The following SLC6A16 variants were observed in gnomAD, a reference collection of about 807,000 sequenced individuals.
The protein encoded by SLC6A16 is solute carrier family 6 member 16, also known as orphan sodium- and chloride-dependent neurotransmitter transporter NTT5.
A neutral mutation model predicts 65.4 loss-of-function variants in SLC6A16; 54 were observed. The ratio of observed to expected loss-of-function variants is 0.83; its 90% CI spans 0.66 to 1.04. The LOEUF (loss-of-function observed/expected upper bound fraction) is 1.04, where lower values mean the gene tolerates loss of function less well. Among genes scored for constraint, SLC6A16 ranks in the 50% least tolerant of loss-of-function variants. SLC6A16 has a pLI of 0.00. For missense variants in SLC6A16, 816 were observed against 914.0 expected, an observed-to-expected ratio of 0.89 and a Z score of 1.38; for synonymous variants, 330 against 346.5, an observed-to-expected ratio of 0.95 and a Z score of 0.53.
chr19:49,335,795 G>C, the SLC6A16 span: 2 of 1,607,496 alleles, frequency 1.2e-6, no homozygotes, highest in Non-Finnish European at 1.7e-6. The surrounding 1 kb of genome is among the most constrained non-coding windows in gnomAD (Gnocchi z 4.6). Flanking sequence ...GGGTGAGGGG[G>C]GCTGGGGCAG....
the SLC6A16 span, chr19:49,337,849 CT>C: frequency 6.2e-7 from 1 of 1,602,626 alleles, no homozygotes; most frequent in Non-Finnish European, 8.5e-7. Context: ...CAGGGCCCGC[CT>C]GAGGCTGGCA....
upstream of SLC6A16, among the ~76,000 whole-genome samples, chr19:49,329,990 G>A (rs745305944): frequency 3.3e-5 from 5 of 151,956 alleles, no homozygotes; most frequent in South Asian, 2.1e-4. Flanking sequence ...GTGGTGGCAC[G>A]CATCTGTTGT....
chr19:49,308,673 G>A (rs771347174), intron 7 of SLC6A16: 1 of 627,620 alleles, frequency 1.6e-6, no homozygotes, highest in Non-Finnish European at 2.8e-6. Context: ...TTATTTCTAG[G>A]GTGACAAAAG....
At position 49,310,456 on chromosome 19, in the gene SLC6A16, A is replaced by G; in HGVS notation, c.470T>C (p.Leu157Pro). The G allele has an allele frequency of 1.2e-6, 2 of 1,614,156 alleles. No homozygotes were observed. Among genetic ancestry groups the G allele is most frequent in the South Asian group, 1.1e-5 (1 of 91,074 alleles). Residue 157 changes from leucine to proline, a missense_variant, in exon 3 of 12, where the codon CTC (leucine) becomes CCC (proline). Coordinates refer to ENST00000335875, the MANE Select transcript of SLC6A16 (RefSeq NM_014037.3). ...CTGACCAGCTGCCATCTCCAGGAAG[A>G]GAAGAGGAACCCCGACCAGGAACAG... ...FMLFLVGVPL[L>P]FLEMAAGQSM...
the SLC6A16 span, chr19:49,331,627 A>G: frequency 2.6e-6 from 1 of 379,714 alleles, no homozygotes; most frequent in Non-Finnish European, 5.3e-6. Context: ...ATAAAGTCCA[A>G]AATGCTTTAT....
chr19:49,321,613 G>A (rs553658215), intron 1 of SLC6A16, among the ~76,000 whole-genome samples: 52 of 152,314 alleles, frequency 3.4e-4, no homozygotes, highest in African/African-American at 1.2e-3. Context: ...GTGTGCACCT[G>A]TAGTCCCAGC....
chr19:49,317,572 C>T (rs1207314513), intron 1 of SLC6A16, among the ~76,000 whole-genome samples: 10 of 151,790 alleles, frequency 6.6e-5, no homozygotes, highest in Non-Finnish European at 1.0e-4. Flanking sequence ...TTTAGGAGGC[C>T]GAGGCGGGCG....
Position 49,289,989 on chromosome 19 carries a change from C to T in SLC6A16, c.*134G>A. On this transcript the variant is annotated 3_prime_UTR_variant, in exon 12 of 12. Coordinates refer to ENST00000335875, the MANE Select transcript of SLC6A16 (RefSeq NM_014037.3). Reference sequence around the variant, plus strand: ...TGCAAGTCCAGGCCCCATGAACACCCCCAAAGAATGCCCCTCCTCTTGGAA... The same window carrying T: ...TGCAAGTCCAGGCCCCATGAACACCTCCAAAGAATGCCCCTCCTCTTGGAA... 4.4e-6 allele frequency: 4 copies of T among 901,670 alleles called. No individual in the cohort carries two copies. In the South Asian group the frequency reaches 5.1e-5, roughly 11 times the overall value. The allele number at this position is 901,670 out of a possible 1,614,324, so 55.9% of individuals were successfully genotyped here.
chr19:49,338,001 A>G, the SLC6A16 span: 1 of 1,614,006 alleles, frequency 6.2e-7, no homozygotes, highest in Non-Finnish European at 8.5e-7. The surrounding 1 kb of genome is among the most constrained non-coding windows in gnomAD (Gnocchi z 5.0). Flanking sequence ...ACCGCGGCCG[A>G]GGAGAGCTGG....
the SLC6A16 span, chr19:49,337,867 G>C: frequency 6.2e-7 from 1 of 1,602,222 alleles, no homozygotes; most frequent in Admixed American, 1.7e-5. Flanking sequence ...GGCACAGCCT[G>C]AGAGGGGGAG....
At chr19:49,306,534 GT>G (rs554621023) in intron 7 of SLC6A16, among the ~76,000 whole-genome samples, 12,800 of 133,300 alleles carry the variant, frequency 0.096, 687 homozygotes, top group South Asian at 0.21. Flanking sequence ...TTAGTTCTTT[GT>G]TTTTTTTTTT....
At chr19:49,337,353 G>T in the SLC6A16 span, 1 of 914,522 alleles carries the variant, frequency 1.1e-6, no homozygotes, top group Non-Finnish European at 1.7e-6. Flanking sequence ...TAAGAGGCTG[G>T]GCCTGGTGGC....
chr19:49,340,140 C>CT, the SLC6A16 span: 3 of 1,535,196 alleles, frequency 2.0e-6, no homozygotes. Flanking sequence ...TCTCCAGCCC[C>CT]TTCCCGCCCA....
intron 1 of SLC6A16, among the ~76,000 whole-genome samples, chr19:49,311,944 ATTTC>A (rs1970531270): frequency 6.7e-6 from 1 of 148,652 alleles, no homozygotes; most frequent in Non-Finnish European, 1.5e-5. Context: ...AAATCAAAGG[ATTTC>A]TTTTTTTTTT....
chr19:49,337,841 G>T, the SLC6A16 span: 5 of 1,598,020 alleles, frequency 3.1e-6, no homozygotes, highest in Non-Finnish European at 4.3e-6. Context: ...GAGATGCACA[G>T]GGCCCGCCTG....
the SLC6A16 span, chr19:49,340,149 C>CCAA: frequency 2.0e-6 from 3 of 1,511,674 alleles, no homozygotes; most frequent in East Asian, 4.6e-5. Flanking sequence ...CCTTCCCGCC[C>CCAA]AATTCACGGC....
chr19:49,323,384 T>C (rs1056621655), intron 1 of SLC6A16, among the ~76,000 whole-genome samples: 1 of 152,138 alleles, frequency 6.6e-6, no homozygotes, highest in South Asian at 2.1e-4. Context: ...ATGTTTTAAA[T>C]TTGTGCATCA....
chr19:49,339,743 C>A, the SLC6A16 span: 2 of 1,385,208 alleles, frequency 1.4e-6, no homozygotes, highest in African/African-American at 1.5e-5. This position sits in a 1 kb window ranked among gnomAD's most constrained non-coding sequence, Gnocchi z 4.5. Flanking sequence ...GCTGGGGATT[C>A]GAGCCCCGGG....
At chr19:49,298,151 T>C (rs1970218597) in intron 7 of SLC6A16, among the ~76,000 whole-genome samples, 1 of 152,136 alleles carries the variant, frequency 6.6e-6, no homozygotes, top group African/African-American at 2.4e-5. Context: ...TTAGATATAT[T>C]ACAGTGAAGG....
Sources: gnomAD v4.1 joint callset for allele counts (sites outside exome capture counted in the v4.1 genomes callset) on GRCh38, gnomAD v4.1.1 for gene constraint, Gnocchi (gnomAD v3.1) non-coding constraint, MANE v1.5 for transcripts, NCBI Gene and HGNC (gene_info 2026-07-23, HGNC 2026-07-21) for gene names.